Variants in CDH13 observed in about 807,000 individuals in gnomAD.
CDH13 encodes the protein cadherin-13.
A neutral mutation model predicts 63.8 loss-of-function variants in CDH13; 24 were observed. The observed-to-expected ratio is 0.38, with a 90% CI of 0.27 to 0.53. The LOEUF is 0.53. Ranked by LOEUF, CDH13 falls within the 20% of genes least tolerant of loss-of-function variation. The pLI is 0.85. For synonymous variants in CDH13, 503 were observed against 355.3 expected, an observed-to-expected ratio of 1.42 and a Z score of -4.67; for missense variants, 1,049 against 903.1, an observed-to-expected ratio of 1.16 and a Z score of -2.07.
chr16:83,185,583 A>C (rs575169188), intron 4 of CDH13, among the ~76,000 whole-genome samples: 2 of 152,212 alleles, frequency 1.3e-5, no homozygotes, highest in Non-Finnish European at 2.9e-5. Context: ...GAACAGTATC[A>C]CTTCATCTAA....
chr16:83,181,898 A>T (rs1351203031), intron 4 of CDH13, among the ~76,000 whole-genome samples: 1 of 152,128 alleles, frequency 6.6e-6, no homozygotes, highest in East Asian at 1.9e-4. Flanking sequence ...CCTTCTAACT[A>T]GGTGGTGATT....
chr16:83,449,058 A>C (rs977323204), intron 6 of CDH13, among the ~76,000 whole-genome samples: 16 of 152,328 alleles, frequency 1.1e-4, no homozygotes, highest in African/African-American at 3.6e-4. Flanking sequence ...TAGACTCGAG[A>C]ATAGATCAAG....
At chr16:83,106,596 A>C (rs2151612789) in intron 3 of CDH13, among the ~76,000 whole-genome samples, 1 of 152,320 alleles carries the variant, frequency 6.6e-6, no homozygotes, top group South Asian at 2.1e-4. Context: ...CAAGGGAATG[A>C]TTTAATACAT....
At chr16:83,467,531 T>G (rs547186869) in intron 6 of CDH13, among the ~76,000 whole-genome samples, 1 of 152,338 alleles carries the variant, frequency 6.6e-6, no homozygotes, top group East Asian at 1.9e-4. Flanking sequence ...TGTTTTTAGC[T>G]GACCCCAAGA....
At chr16:83,228,477 A>C (rs1376769268) in intron 5 of CDH13, among the ~76,000 whole-genome samples, 1 of 152,212 alleles carries the variant, frequency 6.6e-6, no homozygotes, top group African/African-American at 2.4e-5. Context: ...TGTAAAGTCC[A>C]CACGCTAGCT....
intron 1 of CDH13, among the ~76,000 whole-genome samples, chr16:82,799,236 T>G (rs2036735153): frequency 6.6e-6 from 1 of 152,222 alleles, no homozygotes; most frequent in Admixed American, 6.5e-5. Flanking sequence ...ATGTTATTTT[T>G]TGTTGTACAG....
At chr16:83,084,461 C>T (rs1436598767) in intron 3 of CDH13, among the ~76,000 whole-genome samples, 1 of 152,222 alleles carries the variant, frequency 6.6e-6, no homozygotes, top group Non-Finnish European at 1.5e-5. Flanking sequence ...GAGAACCCAT[C>T]ACCTGTCTCT....
intron 1 of CDH13, among the ~76,000 whole-genome samples, chr16:82,745,313 C>T (rs932376433): frequency 6.6e-6 from 1 of 152,140 alleles, no homozygotes; most frequent in East Asian, 1.9e-4. Flanking sequence ...AAAGATACAA[C>T]GTGTAACTCA....
chr16:82,643,326 C>T (rs114320901), intron 1 of CDH13, among the ~76,000 whole-genome samples: 1,805 of 152,332 alleles, frequency 0.012, 40 homozygotes, highest in African/African-American at 0.042. Flanking sequence ...CAGTTGTTCA[C>T]CACCTGCTGG....
At chr16:82,908,234 G>A (rs1296768443) in intron 2 of CDH13, among the ~76,000 whole-genome samples, 1 of 152,134 alleles carries the variant, frequency 6.6e-6, no homozygotes, top group Non-Finnish European at 1.5e-5. Flanking sequence ...AATACAAAAG[G>A]TGATGGGTAG....
Position 83,082,008 on chromosome 16 carries a change from C to T in CDH13, c.367-43377C>T, listed in dbSNP as rs111239012. 7.7e-4 allele frequency among the ~76,000 whole-genome samples: 117 copies of T among 152,244 alleles called. 1 individual carries two copies. The highest frequency in any genetic ancestry group is 2.5e-3 in the African/African-American group (104 of 41,558). On this transcript the variant is annotated intron_variant, in intron 3 of 13. Coordinates refer to ENST00000567109, the MANE Select transcript of CDH13 (RefSeq NM_001257.5). ...AGAGACGGGGTTTCTTCATGTTGGT[C>T]AGGCTGGTCTCGAACTCCCAACCTC...
rs187215615 is a variant in CDH13, at chr16:83,652,951, C to T, written c.1102-17839C>T. Among the ~76,000 whole-genome samples, 8 of 152,308 alleles carry T rather than the reference C, an allele frequency of 5.3e-5. 1 individual carries two copies. In the Middle Eastern group the frequency reaches 0.014, roughly 259 times the overall value. On this transcript the variant is annotated intron_variant, in intron 8 of 13. Transcript: ENST00000567109. ...AACAAAACATGGTCCATCCACATGA[C>T]GGAATGCTTTCAGCCACACAAAGGA... is the stretch of plus-strand genomic sequence containing the variant.
At chr16:83,379,419 A>G (rs138749187) in intron 6 of CDH13, among the ~76,000 whole-genome samples, 1 of 152,242 alleles carries the variant, frequency 6.6e-6, no homozygotes, top group Non-Finnish European at 1.5e-5. Flanking sequence ...GGATGGATGG[A>G]TGGTAAGGTT....
intron 6 of CDH13, among the ~76,000 whole-genome samples, chr16:83,409,131 G>C (rs4415998): frequency 0.46 from 69,885 of 151,970 alleles, 16,591 homozygotes; most frequent in South Asian, 0.65. Flanking sequence ...AGACAGGGGA[G>C]GGAAGGCAGC....
intron 7 of CDH13, among the ~76,000 whole-genome samples, chr16:83,551,695 C>G (rs764951201): frequency 1.3e-5 from 2 of 152,104 alleles, no homozygotes; most frequent in Non-Finnish European, 2.9e-5. Flanking sequence ...TTTTCTGATT[C>G]TTGTCCTCCC....
chr16:82,864,866 A>T lies in CDH13; in HGVS notation c.157+6393A>T, dbSNP rs377348102. The stretch of plus-strand genomic sequence containing the variant: ...AACTGAGACAAGGCAAGTCCCTTCC[A>T]CCTAGAGGCCTGTAAAATCAAGTTA... On this transcript the variant is annotated intron_variant, in intron 2 of 13. Transcript: ENST00000567109. Among the ~76,000 whole-genome samples, 145 of 152,318 alleles carry T rather than the reference A, an allele frequency of 9.5e-4. 3 individuals carry two copies. In the South Asian group the frequency reaches 0.028, roughly 29 times the overall value.
chr16:83,792,813 ATTCT>A (rs1284796237), intron 13 of CDH13, among the ~76,000 whole-genome samples: 18 of 152,242 alleles, frequency 1.2e-4, no homozygotes, highest in Non-Finnish European at 2.5e-4. Context: ...ACATCTTAAC[ATTCT>A]TTCTAATAGG....
At position 83,780,208 on chromosome 16, in the gene CDH13, C is replaced by G. The variant is rs1915424084; in HGVS notation, c.1915+7C>G. 1.3e-6 allele frequency: 2 copies of G among 1,544,890 alleles called. No homozygotes were observed. The highest frequency in any genetic ancestry group is 1.8e-6 in the Non-Finnish European group (2 of 1,130,190). ...AAGATCTCCAAGATCAACAGTAAGT[C>G]TGGCTAAAGCATTTCTGCCTATTCT... On this transcript the variant is annotated splice_region_variant and intron_variant, in intron 12 of 13. Transcript: ENST00000567109.
rs147332583 is a variant in CDH13, at chr16:83,105,964, T to G, written c.367-19421T>G. On this transcript the variant is annotated intron_variant, in intron 3 of 13. Coordinates refer to ENST00000567109, the MANE Select transcript of CDH13 (RefSeq NM_001257.5). ...CATGTTTGGGCAACACAGATGTGGT[T>G]GGGACCACAAAAGTTGTGATCAAGG... Among the ~76,000 whole-genome samples the G allele has an allele frequency of 7.9e-5, 12 of 152,334 alleles. No individual in the cohort carries two copies. The East Asian group carries it at 1.9e-3, about 24-fold the overall frequency.
Sources: gnomAD v4.1 joint callset for allele counts (sites outside exome capture counted in the v4.1 genomes callset) on GRCh38, gnomAD v4.1.1 for gene constraint, MANE v1.5 for transcripts, NCBI Gene and HGNC (gene_info 2026-07-23, HGNC 2026-07-21) for gene names.